EEPD1: variants seen among roughly 807,000 people sequenced by gnomAD.
The protein encoded by EEPD1 is endonuclease/exonuclease/phosphatase family domain-containing protein 1.
A neutral mutation model predicts 46.3 loss-of-function variants in EEPD1; 17 were observed. That is an observed-to-expected ratio of 0.37 (90% CI 0.25 to 0.55). The LOEUF is 0.55. Ranked by LOEUF, EEPD1 falls within the 20% of genes least tolerant of loss-of-function variation. EEPD1 has a pLI of 0.83. For synonymous variants in EEPD1, 313 were observed against 315.6 expected, an observed-to-expected ratio of 0.99 and a Z score of 0.09; for missense variants, 673 against 745.6, an observed-to-expected ratio of 0.90 and a Z score of 1.13.
intron 2 of EEPD1, among the ~76,000 whole-genome samples, chr7:36,197,790 A>G (rs548762424): frequency 3.9e-5 from 6 of 152,114 alleles, no homozygotes; most frequent in Non-Finnish European, 7.4e-5. Context: ...TAGGAAAACC[A>G]GAGACCTTTG....
intron 6 of EEPD1, among the ~76,000 whole-genome samples, chr7:36,296,295 A>G (rs971196228): frequency 6.6e-6 from 1 of 152,004 alleles, no homozygotes; most frequent in Non-Finnish European, 1.5e-5. Context: ...TATATCTCCA[A>G]CCTCATCTTT....
intron 3 of EEPD1, among the ~76,000 whole-genome samples, chr7:36,268,276 C>T (rs1479688243): frequency 3.9e-5 from 6 of 152,100 alleles, no homozygotes; most frequent in Admixed American, 6.6e-5. Context: ...CTCAGCCTCC[C>T]GAGTAGCTGG....
chr7:36,157,505 G>T (rs1380923994), intron 2 of EEPD1, among the ~76,000 whole-genome samples: 1 of 152,168 alleles, frequency 6.6e-6, no homozygotes, highest in Non-Finnish European at 1.5e-5. Context: ...GAGAGATGAT[G>T]ATTTGCTGAA....
At chr7:36,275,053 A>G (rs1787163320) in intron 3 of EEPD1, among the ~76,000 whole-genome samples, 1 of 152,240 alleles carries the variant, frequency 6.6e-6, no homozygotes, top group Non-Finnish European at 1.5e-5. Flanking sequence ...TGCTGAGAAC[A>G]CACAGGAAAG....
At chr7:36,164,154 CT>C (rs1162735262) in intron 2 of EEPD1, among the ~76,000 whole-genome samples, 1 of 152,182 alleles carries the variant, frequency 6.6e-6, no homozygotes, top group Non-Finnish European at 1.5e-5. Flanking sequence ...TTTTTTATGA[CT>C]TTTCTGTCTT....
chr7:36,240,185 C>T (rs935901453), intron 3 of EEPD1, among the ~76,000 whole-genome samples: 4 of 152,156 alleles, frequency 2.6e-5, no homozygotes, highest in Admixed American at 6.5e-5. Context: ...AGGAGGATCA[C>T]GTGAGCCCAG....
intron 3 of EEPD1, among the ~76,000 whole-genome samples, chr7:36,274,592 G>T (rs886289166): frequency 6.6e-6 from 1 of 152,150 alleles, no homozygotes; most frequent in Non-Finnish European, 1.5e-5. Context: ...TGCAGGATGT[G>T]CAGGTTTATT....
chr7:36,209,676 C>G (rs1320141976), intron 2 of EEPD1, among the ~76,000 whole-genome samples: 1 of 151,836 alleles, frequency 6.6e-6, no homozygotes, highest in East Asian at 1.9e-4. Context: ...GGCCAATTAT[C>G]AGGAGACTGC....
At position 36,155,191 on chromosome 7, in the gene EEPD1, C is replaced by T. The variant is rs780290633; in HGVS notation, c.867C>T (p.Leu289=). 3.3e-6 allele frequency: 5 copies of T among 1,511,764 alleles called. No individual in the cohort carries two copies. The highest frequency in any genetic ancestry group is 4.4e-6 in the Non-Finnish European group (5 of 1,129,744). The allele number at this position is 1,511,764 out of a possible 1,614,324, so 93.6% of individuals were successfully genotyped here. ...PGVREVVCMT[L]LENSIKLLAV... ...TGCGAGAGGTGGTGTGCATGACACT[C>T]CTGGAAAACAGGTGAGGACAGGAAC... The change falls in exon 2 of 8, where the codon CTC becomes CTT. Residue 289 remains leucine (L), a synonymous_variant. Transcript: ENST00000242108.
rs778080806 is a variant in EEPD1 at position 36,244,910 on chromosome 7, T to A, written c.930+5874T>A. ...GCCTCAGCCTCCTGAGTAGCTGGGA[T>A]TATAGGTGTCTGCCATTATGCCCGG... On this transcript the variant is annotated intron_variant, in intron 3 of 7. Transcript: ENST00000242108. Among the ~76,000 whole-genome samples, 399 of 151,516 alleles carry A rather than the reference T, an allele frequency of 2.6e-3. 11 individuals are homozygous for A. The highest frequency in any genetic ancestry group is 8.4e-4 in the Non-Finnish European group (57 of 67,890).
chr7:36,281,410 G>A (rs1478135818), intron 4 of EEPD1, among the ~76,000 whole-genome samples, 185 bp downstream of exon 4: 3 of 152,126 alleles, frequency 2.0e-5, no homozygotes, highest in Admixed American at 2.0e-4. Flanking sequence ...TTTAGATTGG[G>A]AATGGACTCC....
chr7:36,290,915 G>A (rs776393599), intron 6 of EEPD1, among the ~76,000 whole-genome samples: 2 of 152,172 alleles, frequency 1.3e-5, no homozygotes, highest in African/African-American at 2.4e-5. Flanking sequence ...AGGCTCCTGC[G>A]CATCTACCTG....
At chr7:36,221,088 C>T (rs1355135891) in intron 2 of EEPD1, among the ~76,000 whole-genome samples, 6 of 152,200 alleles carry the variant, frequency 3.9e-5, no homozygotes, top group African/African-American at 1.2e-4. Flanking sequence ...AGATTACAGG[C>T]GTGAGCCACT....
intron 2 of EEPD1, among the ~76,000 whole-genome samples, chr7:36,166,559 A>C (rs1784985100): frequency 6.6e-6 from 1 of 151,910 alleles, no homozygotes; most frequent in South Asian, 2.1e-4. Flanking sequence ...CTTCTCTACA[A>C]ACAAACAAAC....
At chr7:36,234,729 A>T (rs1786398787) in intron 2 of EEPD1, among the ~76,000 whole-genome samples, 1 of 151,614 alleles carries the variant, frequency 6.6e-6, no homozygotes, top group Non-Finnish European at 1.5e-5. Context: ...TGTGCTTCAG[A>T]GTGGGCCTAT....
intron 2 of EEPD1, among the ~76,000 whole-genome samples, chr7:36,161,240 C>T (rs61632633): frequency 0.22 from 34,085 of 152,054 alleles, 4,237 homozygotes; most frequent in African/African-American, 0.34. Context: ...GAGGCATGGG[C>T]GCAGGAAGAC....
chr7:36,267,117 C>T (rs1200921310), intron 3 of EEPD1, among the ~76,000 whole-genome samples: 1 of 152,170 alleles, frequency 6.6e-6, no homozygotes, highest in African/African-American at 2.4e-5. Flanking sequence ...TGGAGTCTGC[C>T]CACTGCCATC....
chr7:36,168,260 A>G (rs1480795348), intron 2 of EEPD1, among the ~76,000 whole-genome samples: 4 of 152,226 alleles, frequency 2.6e-5, no homozygotes, highest in Admixed American at 6.5e-5. Context: ...TGTTGCCTTG[A>G]TATTCATTAA....
At chr7:36,183,236 C>A (rs2115660041) in intron 2 of EEPD1, among the ~76,000 whole-genome samples, 1 of 152,296 alleles carries the variant, frequency 6.6e-6, no homozygotes, top group Non-Finnish European at 1.5e-5. Flanking sequence ...CCACGAGAAC[C>A]AAAACCCAGC....
Sources: gnomAD v4.1 joint callset for allele counts (sites outside exome capture counted in the v4.1 genomes callset) on GRCh38, gnomAD v4.1.1 for gene constraint, MANE v1.5 for transcripts, NCBI Gene and HGNC (gene_info 2026-07-23, HGNC 2026-07-21) for gene names.